The following CLSTN2 variants were observed in gnomAD, a reference collection of about 807,000 sequenced individuals.
CLSTN2 encodes the protein calsyntenin 2.
CLSTN2 carries 48 observed loss-of-function variants against 101.2 expected under a neutral mutation model. That is an observed-to-expected ratio of 0.47 (90% CI 0.38 to 0.60). The LOEUF is 0.60. Among genes scored for constraint, CLSTN2 ranks in the 20% least tolerant of loss-of-function variants. The probability of loss-of-function intolerance (pLI) is 0.00; values close to 1 mark genes in which losing one functional copy is unlikely to be tolerated. For synonymous variants in CLSTN2, 481 were observed against 463.6 expected, an observed-to-expected ratio of 1.04 and a Z score of -0.48; for missense variants, 1,160 against 1,238.2, an observed-to-expected ratio of 0.94 and a Z score of 0.95.
chr3:140,266,537 A>C (rs2086695192), intron 2 of CLSTN2, among the ~76,000 whole-genome samples: 1 of 152,220 alleles, frequency 6.6e-6, no homozygotes, highest in South Asian at 2.1e-4. Context: ...TCAAAGATGC[A>C]TCACTGGTAT....
chr3:140,459,844 G>A, intron 7 of CLSTN2, 75 bp downstream of exon 7: 1 of 1,521,922 alleles, frequency 6.6e-7, no homozygotes, highest in Non-Finnish European at 9.1e-7. Context: ...GCTGGACATG[G>A]ACACAGCCAA....
intron 2 of CLSTN2, among the ~76,000 whole-genome samples, chr3:140,337,987 G>C (rs2087459032): frequency 6.6e-6 from 1 of 152,184 alleles, no homozygotes. Flanking sequence ...GAGTGATAGA[G>C]CTGGGGGGAA....
rs368237999 is a variant in CLSTN2, at chr3:140,042,710, TCCCCA to T, written c.109+107231_109+107235del. On this transcript the variant is annotated intron_variant, in intron 1 of 16. Coordinates refer to ENST00000458420, the MANE Select transcript of CLSTN2 (RefSeq NM_022131.3). The stretch of plus-strand genomic sequence containing the variant: ...CATGACAGGCCCCGGTGTGTGATGT[TCCCCA>T]CCCTGTGTCCAAGTGTTCTCATTGT... 1.5e-3 allele frequency among the ~76,000 whole-genome samples: 236 copies of T among 152,290 alleles called. 3 individuals carry two copies. In the East Asian group the frequency reaches 0.039, roughly 25 times the overall value.
chr3:140,381,297 G>A (rs569393015), intron 2 of CLSTN2, among the ~76,000 whole-genome samples: 1 of 152,222 alleles, frequency 6.6e-6, no homozygotes, highest in South Asian at 2.1e-4. Context: ...GCCCACCCTA[G>A]TGACTTCATT....
chr3:140,142,089 CAG>C (rs2009709680), intron 1 of CLSTN2, among the ~76,000 whole-genome samples: 1 of 152,186 alleles, frequency 6.6e-6, no homozygotes, highest in African/African-American at 2.4e-5. Flanking sequence ...CCTCATTTGT[CAG>C]AGTCATATAT....
intron 2 of CLSTN2, among the ~76,000 whole-genome samples, chr3:140,377,022 C>CACAGAGAGAAAGAGAG (rs148236356): frequency 6.7e-6 from 1 of 148,722 alleles, no homozygotes; most frequent in African/African-American, 2.5e-5. Context: ...CACACATACA[C>CACAGAGAGAAAGAGAG]AGAGAGAGAG....
chr3:140,069,286 G>A (rs550585003), intron 1 of CLSTN2, among the ~76,000 whole-genome samples: 43 of 152,224 alleles, frequency 2.8e-4, no homozygotes, highest in African/African-American at 1.7e-4. Context: ...AGTGGCTGCC[G>A]GAAATTATAC....
At chr3:140,277,391 C>G (rs935408036) in intron 2 of CLSTN2, among the ~76,000 whole-genome samples, 1 of 152,190 alleles carries the variant, frequency 6.6e-6, no homozygotes, top group Non-Finnish European at 1.5e-5. Flanking sequence ...CTCCAGTTAC[C>G]TATTTATCCT....
rs151278118 is a variant in CLSTN2 at position 140,405,267 on chromosome 3, G to A, written c.637+501G>A. On this transcript the variant is annotated intron_variant, in intron 4 of 16. Coordinates refer to ENST00000458420, the MANE Select transcript of CLSTN2 (RefSeq NM_022131.3). ...TTTGAGATGGAGTTTCGCTCTTGTCGCCCAAGCTAGAGTACAATGGCACAA... is the reference window on the plus strand; with the variant it reads ...TTTGAGATGGAGTTTCGCTCTTGTCACCCAAGCTAGAGTACAATGGCACAA... Among the ~76,000 whole-genome samples, 1,504 of 150,700 alleles carry A rather than the reference G, an allele frequency of 1.0e-2. 25 individuals are homozygous for A. The highest frequency in any genetic ancestry group is 0.033 in the African/African-American group (1,371 of 41,168).
chr3:140,176,540 T>A (rs771797862), intron 2 of CLSTN2, among the ~76,000 whole-genome samples: 20 of 152,246 alleles, frequency 1.3e-4, no homozygotes, highest in Non-Finnish European at 2.6e-4. Flanking sequence ...TCCTTGAGCT[T>A]CCAAGTGGGT....
chr3:139,941,916 T>C (rs1046472085), intron 1 of CLSTN2, among the ~76,000 whole-genome samples: 1 of 152,196 alleles, frequency 6.6e-6, no homozygotes, highest in Non-Finnish European at 1.5e-5. Context: ...ACCAACCCTA[T>C]GAAGGAGGTA....
chr3:139,942,273 C>G (rs1189283551), intron 1 of CLSTN2, among the ~76,000 whole-genome samples: 1 of 152,198 alleles, frequency 6.6e-6, no homozygotes, highest in African/African-American at 2.4e-5. Context: ...CCTGTTTCTT[C>G]TCATCCAGAC....
intron 2 of CLSTN2, among the ~76,000 whole-genome samples, chr3:140,349,945 C>T (rs953869867): frequency 2.6e-5 from 4 of 152,214 alleles, no homozygotes; most frequent in Non-Finnish European, 4.4e-5. Context: ...ACATCCTCCC[C>T]TCCACCACCT....
chr3:140,307,777 C>A (rs2087129334), intron 2 of CLSTN2, among the ~76,000 whole-genome samples: 1 of 152,156 alleles, frequency 6.6e-6, no homozygotes, highest in African/African-American at 2.4e-5. Flanking sequence ...TGCTTTCTTC[C>A]ACCATTCATG....
intron 8 of CLSTN2, chr3:140,508,284 A>G (rs1173552651): frequency 6.6e-6 from 1 of 152,216 alleles, no homozygotes; most frequent in Non-Finnish European, 1.5e-5. Flanking sequence ...TGGCACAGAC[A>G]TGGCCTTATC....
intron 1 of CLSTN2, among the ~76,000 whole-genome samples, chr3:140,116,526 G>A (rs1003668680): frequency 1.3e-5 from 2 of 152,074 alleles, no homozygotes; most frequent in Non-Finnish European, 1.5e-5. Flanking sequence ...GGACTAGGGT[G>A]GGGTCAGTGA....
intron 1 of CLSTN2, among the ~76,000 whole-genome samples, chr3:140,087,610 T>G (rs2008701901): frequency 6.6e-6 from 1 of 152,202 alleles, no homozygotes; most frequent in Non-Finnish European, 1.5e-5. Flanking sequence ...AAAGATAGAC[T>G]GCTGTTTTTG....
At chr3:140,091,227 G>A (rs760848807) in intron 1 of CLSTN2, among the ~76,000 whole-genome samples, 29 of 152,202 alleles carry the variant, frequency 1.9e-4, no homozygotes, top group Non-Finnish European at 3.4e-4. Context: ...CCAACAGCAT[G>A]AGGCAGACCA....
At chr3:140,061,666 G>T (rs2008206813) in intron 1 of CLSTN2, among the ~76,000 whole-genome samples, 1 of 152,194 alleles carries the variant, frequency 6.6e-6, no homozygotes, top group Non-Finnish European at 1.5e-5. Flanking sequence ...AGATAACTTT[G>T]CCTCTCTGAG....
Sources: allele counts gnomAD v4.1 joint callset (sites outside exome capture counted in the v4.1 genomes callset), GRCh38; gene constraint gnomAD v4.1.1; transcripts MANE v1.5; gene names NCBI Gene and HGNC (gene_info 2026-07-23, HGNC 2026-07-21).